HS6ST3: variants seen among roughly 807,000 people sequenced by gnomAD.
HS6ST3 encodes heparan-sulfate 6-O-sulfotransferase 3.
Under a neutral mutation model 36.7 loss-of-function variants are expected in HS6ST3, and 12 were observed. The observed-to-expected ratio is 0.33, with a 90% CI of 0.21 to 0.53. The LOEUF (loss-of-function observed/expected upper bound fraction) is 0.53, where lower values mean the gene tolerates loss of function less well. HS6ST3 is among the 20% of genes least tolerant of loss of function. The probability of loss-of-function intolerance (pLI) is 0.95; values close to 1 mark genes in which losing one functional copy is unlikely to be tolerated. For synonymous variants in HS6ST3, 240 were observed against 257.5 expected (o/e 0.93, Z 0.65); for missense variants, 584 against 640.9 (o/e 0.91, Z 0.96).
intron 1 of HS6ST3, among the ~76,000 whole-genome samples, chr13:96,811,739 C>A (rs1878321059): frequency 6.6e-6 from 1 of 151,916 alleles, no homozygotes; most frequent in Non-Finnish European, 1.5e-5. Context: ...CTTTTATCAC[C>A]AAAGGAAAGC....
At chr13:96,119,802 G>A (rs1204747548) in intron 1 of HS6ST3, among the ~76,000 whole-genome samples, 1 of 151,364 alleles carries the variant, frequency 6.6e-6, no homozygotes, top group Non-Finnish European at 1.5e-5. Flanking sequence ...GTTGTGTGAG[G>A]ACTAATGAGT....
At chr13:96,551,980 T>C (rs1240624439) in intron 1 of HS6ST3, among the ~76,000 whole-genome samples, 1 of 152,218 alleles carries the variant, frequency 6.6e-6, no homozygotes, top group African/African-American at 2.4e-5. Flanking sequence ...CTGCCAACTT[T>C]AAAGTTAGTT....
chr13:96,105,325 A>G (rs1324412166), intron 1 of HS6ST3, among the ~76,000 whole-genome samples: 2 of 152,182 alleles, frequency 1.3e-5, no homozygotes, highest in Non-Finnish European at 2.9e-5. Flanking sequence ...GAAACCCAGC[A>G]AAACCTGACA....
intron 1 of HS6ST3, among the ~76,000 whole-genome samples, chr13:96,704,603 A>C (rs1348301184): frequency 6.6e-6 from 1 of 152,208 alleles, no homozygotes. Flanking sequence ...CATGGGCTGA[A>C]GAGAAGCCTG....
At chr13:96,202,193 T>C (rs2139352053) in intron 1 of HS6ST3, among the ~76,000 whole-genome samples, 1 of 152,330 alleles carries the variant, frequency 6.6e-6, no homozygotes, top group South Asian at 2.1e-4. Context: ...CCAATGAAAC[T>C]TTTTGTAATG....
At chr13:96,265,981 G>T (rs2054690227) in intron 1 of HS6ST3, among the ~76,000 whole-genome samples, 1 of 152,062 alleles carries the variant, frequency 6.6e-6, no homozygotes, top group African/African-American at 2.4e-5. Context: ...GAGTTAAGTA[G>T]AATTCTGGAC....
chr13:96,596,883 A>G (rs893408276), intron 1 of HS6ST3, among the ~76,000 whole-genome samples: 1 of 152,166 alleles, frequency 6.6e-6, no homozygotes, highest in Admixed American at 6.5e-5. Context: ...ACACACTTGC[A>G]TACGTTCATT....
intron 1 of HS6ST3, among the ~76,000 whole-genome samples, chr13:96,215,830 C>T (rs1412804724): frequency 6.6e-6 from 1 of 151,998 alleles, no homozygotes; most frequent in Non-Finnish European, 1.5e-5. Flanking sequence ...TTACTTAGCC[C>T]TTTCTAATGC....
chr13:96,735,705 A>C (rs1230882661), intron 1 of HS6ST3, among the ~76,000 whole-genome samples: 1 of 152,208 alleles, frequency 6.6e-6, no homozygotes, highest in Non-Finnish European at 1.5e-5. Flanking sequence ...GCAATTAAAA[A>C]TGAGTAAAAT....
chr13:96,777,861 G>A (rs189769330), intron 1 of HS6ST3, among the ~76,000 whole-genome samples: 35 of 152,294 alleles, frequency 2.3e-4, no homozygotes, highest in African/African-American at 6.5e-4. Flanking sequence ...AGCTCGTATA[G>A]CCAAGACAAT....
intron 1 of HS6ST3, among the ~76,000 whole-genome samples, chr13:96,594,680 C>T (rs987516765): frequency 2.6e-5 from 4 of 152,002 alleles, no homozygotes; most frequent in Non-Finnish European, 4.4e-5. Flanking sequence ...ATTTTATATC[C>T]TTTAGTAAAT....
At chr13:96,155,182 C>G (rs191875353) in intron 1 of HS6ST3, among the ~76,000 whole-genome samples, 15 of 152,068 alleles carry the variant, frequency 9.9e-5, no homozygotes, top group Admixed American at 2.6e-4. Flanking sequence ...ACATGTATAC[C>G]ATAATTAAAG....
intron 1 of HS6ST3, among the ~76,000 whole-genome samples, chr13:96,240,927 A>T (rs1361751603): frequency 6.6e-6 from 1 of 152,234 alleles, no homozygotes; most frequent in Non-Finnish European, 1.5e-5. Flanking sequence ...ACGAGTTAGA[A>T]TGACCAATAG....
intron 1 of HS6ST3, among the ~76,000 whole-genome samples, chr13:96,160,845 G>T (rs1251960616): frequency 1.3e-5 from 2 of 152,198 alleles, no homozygotes; most frequent in African/African-American, 4.8e-5. Context: ...TTGCAGGCAT[G>T]CAATAGAACC....
intron 1 of HS6ST3, among the ~76,000 whole-genome samples, chr13:96,579,347 GCAAAGACTTCAGA>G (rs1461257895): frequency 9.2e-5 from 14 of 152,048 alleles, no homozygotes; most frequent in Non-Finnish European, 1.9e-4. Flanking sequence ...GACCTTCAGT[GCAAAGACTTCAGA>G]CCAATTCTTT....
In HS6ST3 at chr13:96,090,769, C is replaced by G. The variant is rs1351199629; in HGVS notation, c.-94C>G. The G allele has an allele frequency of 3.4e-5, 37 of 1,072,472 alleles. No homozygotes were observed. The highest frequency in any genetic ancestry group is 4.3e-5 in the Non-Finnish European group (36 of 830,190). The allele number at this position is 1,072,472 out of a possible 1,614,324, so 66.4% of individuals were successfully genotyped here. The stretch of plus-strand genomic sequence containing the variant: ...CATGGAGGAACGGCGGGCTCCGAGC[C>G]GCGCCCCGGAGTCCGCGAAACTTCC... On this transcript the variant is annotated 5_prime_UTR_variant, in exon 1 of 2. Transcript: ENST00000376705.
intron 1 of HS6ST3, among the ~76,000 whole-genome samples, chr13:96,461,586 C>T (rs570574612): frequency 6.6e-6 from 1 of 152,296 alleles, no homozygotes; most frequent in East Asian, 1.9e-4. Flanking sequence ...TTTTAAACTG[C>T]ATTGCTGAAC....
intron 1 of HS6ST3, among the ~76,000 whole-genome samples, chr13:96,608,637 C>G (rs1174695025): frequency 3.3e-5 from 5 of 152,138 alleles, no homozygotes. Flanking sequence ...AGGAAAGTGG[C>G]AGATGTGGAG....
At chr13:96,637,096 A>G (rs1323105035) in intron 1 of HS6ST3, among the ~76,000 whole-genome samples, 1 of 152,148 alleles carries the variant, frequency 6.6e-6, no homozygotes, top group African/African-American at 2.4e-5. Context: ...GTTATTATAT[A>G]TTATTTATGC....
Sources: gnomAD v4.1 joint callset for allele counts (sites outside exome capture counted in the v4.1 genomes callset) on GRCh38, gnomAD v4.1.1 for gene constraint, MANE v1.5 for transcripts, NCBI Gene and HGNC (gene_info 2026-07-23, HGNC 2026-07-21) for gene names.